CDK12: variants seen among roughly 807,000 people sequenced by gnomAD.
CDK12 encodes the protein cyclin-dependent kinase 12.
In CDK12, 17 loss-of-function variants were observed where a neutral mutation model predicts 133.8. That is an observed-to-expected ratio of 0.13 (90% confidence interval 0.09 to 0.19). The LOEUF (loss-of-function observed/expected upper bound fraction) is 0.19. CDK12 is among the 10% of genes least tolerant of loss of function. The pLI, the probability that CDK12 is intolerant of heterozygous loss-of-function variation, is 1.00. For missense variants in CDK12, 1,508 were observed against 1,818.7 expected, an observed-to-expected ratio of 0.83 and a Z score of 3.11; for synonymous variants, 694 against 683.6, an observed-to-expected ratio of 1.02 and a Z score of -0.24.
intron 11 of CDK12, 152 bp from the exon 12 acceptor site, chr17:39,524,522 T>TA: frequency 1.6e-6 from 1 of 639,766 alleles, no homozygotes; most frequent in Non-Finnish European, 2.7e-6. Flanking sequence ...ACACTGCTGT[T>TA]ACCTACTTTT....
At chr17:39,486,910 A>G (rs1401372561) in intron 2 of CDK12, among the ~76,000 whole-genome samples, 1 of 152,152 alleles carries the variant, frequency 6.6e-6, no homozygotes, top group Non-Finnish European at 1.5e-5. Context: ...TGGGAGGCTG[A>G]GGTAGCAGAA....
At chr17:39,556,019 G>C (rs1274239607) in intron 2 of CDK12, among the ~76,000 whole-genome samples, 3 of 147,090 alleles carry the variant, frequency 2.0e-5, no homozygotes, top group Non-Finnish European at 3.0e-5. Flanking sequence ...GGGTAACAGA[G>C]TGAGACCCTG....
chr17:39,475,896 TAGATAAAAGCCATAGATAAAA>T (rs2050155960), intron 2 of CDK12, among the ~76,000 whole-genome samples: 1 of 151,870 alleles, frequency 6.6e-6, no homozygotes, highest in South Asian at 2.1e-4. Flanking sequence ...AAAATATAGA[TAGATAAAAGCCATAGATAAAA>T]AGATAAAAGC....
At chr17:39,465,677 G>C (rs376057764) in intron 1 of CDK12, among the ~76,000 whole-genome samples, 13 of 152,004 alleles carry the variant, frequency 8.6e-5, no homozygotes, top group East Asian at 5.8e-4. Context: ...TTTTAGTAGA[G>C]ACAGGGCTTT....
At chr17:39,493,123 A>C (rs1208114195) in intron 4 of CDK12, among the ~76,000 whole-genome samples, 4 of 148,018 alleles carry the variant, frequency 2.7e-5, no homozygotes, top group African/African-American at 1.0e-4. Context: ...CTCCCGAGTA[A>C]CTGGGATTAC....
intron 2 of CDK12, among the ~76,000 whole-genome samples, chr17:39,552,457 T>G (rs867687218): frequency 6.6e-6 from 1 of 152,314 alleles, no homozygotes; most frequent in East Asian, 1.9e-4. Context: ...GTAGGATTTA[T>G]TAAATGGCTG....
At chr17:39,523,981 C>T (rs1190640256) in intron 11 of CDK12, among the ~76,000 whole-genome samples, 3 of 152,152 alleles carry the variant, frequency 2.0e-5, no homozygotes, top group Non-Finnish European at 2.9e-5. Context: ...AATGTTGATA[C>T]ATTGAATATG....
At chr17:39,493,577 A>C (rs1286132526) in intron 4 of CDK12, among the ~76,000 whole-genome samples, 2 of 151,470 alleles carry the variant, frequency 1.3e-5, no homozygotes, top group Non-Finnish European at 2.9e-5. Context: ...CACCCACCTC[A>C]GCCTCCCAAA....
intron 2 of CDK12, among the ~76,000 whole-genome samples, chr17:39,486,864 C>T (rs927392220): frequency 7.9e-5 from 12 of 151,724 alleles, no homozygotes; most frequent in Admixed American, 5.3e-4. Flanking sequence ...AAAAACTAGC[C>T]GGGCGTAGTG....
At position 39,492,787 on chromosome 17, in the gene CDK12, A is replaced by G. The variant is rs1366337217; in HGVS notation, c.2145A>G (p.Thr715=). The G allele has an allele frequency of 4.3e-6, 7 of 1,610,686 alleles. No homozygotes were observed. Among genetic ancestry groups the G allele is most frequent in the Non-Finnish European group, 5.9e-6 (7 of 1,177,812 alleles). ...CCPRYGERRQ[T]ESDWGKRCVD... is the part of the protein sequence containing the mutation. ...CTCGTTATGGAGAAAGAAGACAAAC[A>G]GAAAGCGACTGGGGGAAACGCTGTG... The change falls in exon 4 of 14, where the codon ACA becomes ACG. Residue 715 remains threonine, a synonymous_variant. Transcript: ENST00000447079.
At chr17:39,484,971 C>A (rs1481327531) in intron 2 of CDK12, among the ~76,000 whole-genome samples, 1 of 151,978 alleles carries the variant, frequency 6.6e-6, no homozygotes, top group Admixed American at 6.6e-5. Context: ...GAGATCGAGA[C>A]CATCCTGGCT....
At position 39,471,477 on chromosome 17, in the gene CDK12, C is replaced by T. The variant is rs763665826; in HGVS notation, c.1645C>T (p.Pro549Ser). ...LPTTTPPPQT[P>S]PLPPLPPIPA... The stretch of plus-strand genomic sequence containing the variant: ...AACTACTACCCCTCCACCTCAGACA[C>T]CCCCTTTGCCACCTTTGCCTCCAAT... The change falls in exon 2 of 14, where the codon CCC (proline) becomes TCC (serine). Residue 549 changes from proline to serine, a missense_variant. Pro to Ser is a moderately conservative substitution (Grantham distance 74). Around this residue, in one of 9 missense-constraint regions of CDK12, gnomAD observed 347 missense variants for 330.8 expected, o/e 1.05. Coordinates refer to ENST00000447079, the MANE Select transcript of CDK12 (RefSeq NM_016507.4). 1.2e-6 allele frequency: 2 copies of T among 1,613,408 alleles called. No individual in the cohort carries two copies. Among genetic ancestry groups the T allele is most frequent in the Non-Finnish European group, 1.7e-6 (2 of 1,179,814 alleles).
intron 1 of CDK12, among the ~76,000 whole-genome samples, chr17:39,465,401 CT>C (rs55869013): frequency 0.059 from 8,717 of 147,504 alleles, 787 homozygotes; most frequent in African/African-American, 0.21. Flanking sequence ...CTGGATTACC[CT>C]TTTTTTTTTT....
At chr17:39,485,411 T>C (rs1168229487) in intron 2 of CDK12, among the ~76,000 whole-genome samples, 134 of 123,430 alleles carry the variant, frequency 1.1e-3, no homozygotes, top group African/African-American at 5.3e-3. Context: ...CCCCCCCCTT[T>C]TTTTTTTTTT....
intron 13 of CDK12, among the ~76,000 whole-genome samples, chr17:39,529,465 G>A (rs886721352): frequency 2.0e-5 from 3 of 152,080 alleles, no homozygotes; most frequent in Admixed American, 6.5e-5. Flanking sequence ...TTTAAAATAT[G>A]CTTCCATAGG....
chr17:39,481,985 G>C (rs1481086852), intron 2 of CDK12, among the ~76,000 whole-genome samples: 1 of 140,406 alleles, frequency 7.1e-6, no homozygotes, highest in Non-Finnish European at 1.5e-5. Flanking sequence ...CTCCCAAAGT[G>C]CTGGGATTAC....
intron 3 of CDK12, among the ~76,000 whole-genome samples, chr17:39,558,700 A>G (rs1042545726): frequency 6.6e-6 from 1 of 152,068 alleles, no homozygotes; most frequent in East Asian, 1.9e-4. Flanking sequence ...CTGGAGTGCA[A>G]TGGTGCAGTC....
At chr17:39,526,464 T>C (rs1410695363) in intron 13 of CDK12, 148 bp downstream of exon 13, 1 of 651,554 alleles carries the variant, frequency 1.5e-6, no homozygotes, top group Non-Finnish European at 2.6e-6. Flanking sequence ...CACCAAGTAA[T>C]GTATTTCTTG....
chr17:39,491,124 T>G (rs1347915244), intron 3 of CDK12, among the ~76,000 whole-genome samples: 1 of 152,200 alleles, frequency 6.6e-6, no homozygotes. Context: ...GCATATAAAT[T>G]GTCATGCCAT....
Sources: gnomAD v4.1 joint callset for allele counts (sites outside exome capture counted in the v4.1 genomes callset) on GRCh38, gnomAD v4.1.1 for gene constraint, gnomAD v4.1.1 regional missense constraint, MANE v1.5 for transcripts, NCBI Gene and HGNC (gene_info 2026-07-23, HGNC 2026-07-21) for gene names.